Variants in ARID4B observed in about 807,000 individuals in gnomAD.
The protein encoded by ARID4B is AT-rich interactive domain-containing protein 4B.
ARID4B carries 26 observed loss-of-function variants against 147.5 expected under a neutral mutation model. The ratio of observed to expected loss-of-function variants is 0.18; its 90% CI spans 0.13 to 0.24. The LOEUF (loss-of-function observed/expected upper bound fraction) is 0.24. ARID4B is among the 10% of genes least tolerant of loss of function. The pLI is 1.00. For missense variants in ARID4B, 1,179 were observed against 1,511.5 expected (o/e 0.78, Z 3.65); for synonymous variants, 512 against 507.9 (o/e 1.01, Z -0.11).
In ARID4B at chr1:235,260,771, A is replaced by G. The variant is rs569723813; in HGVS notation, c.7-19T>C. ...CAAGGGCCTAAAAATGCAAAGAAATATAATTAGATTTAAACTCTCTAATTC... is the reference window on the plus strand; with the variant it reads ...CAAGGGCCTAAAAATGCAAAGAAATGTAATTAGATTTAAACTCTCTAATTC... On this transcript the variant is annotated intron_variant, in intron 2 of 23. Transcript: ENST00000264183. The G allele has an allele frequency of 8.5e-6, 13 of 1,527,050 alleles. No individual in the cohort carries two copies. In the East Asian group the frequency reaches 9.0e-5, roughly 11 times the overall value. The allele number at this position is 1,527,050 out of a possible 1,614,324, so 94.6% of individuals were successfully genotyped here. A position where few individuals can be genotyped will look rare whatever the true frequency, so the allele number is the denominator to read the frequency against.
chr1:235,168,860 A>C (rs529527744), intron 23 of ARID4B, among the ~76,000 whole-genome samples: 1 of 152,322 alleles, frequency 6.6e-6, no homozygotes, highest in East Asian at 1.9e-4. Context: ...CAACTACAGA[A>C]GTAATGAAAA....
chr1:235,220,510 G>A lies in ARID4B; in HGVS notation c.1199C>T (p.Ala400Val). 1.9e-6 allele frequency: 3 copies of A among 1,611,886 alleles called. No individual in the cohort carries two copies. The highest frequency in any genetic ancestry group is 8.5e-7 in the Non-Finnish European group (1 of 1,178,626). Reference protein sequence around the residue: ...LYGFEEYCRSANIEFQMALPE... With the variant: ...LYGFEEYCRSVNIEFQMALPE... ...CAATGCCATCTGAAATTCAATGTTG[G>A]CTGATCTACAGTACTCCTCAAAACC... Residue 400 changes from alanine to valine, a missense_variant, in exon 15 of 24, where the codon GCC becomes GTC. Physicochemically the swap from Ala to Val is moderately conservative, Grantham distance 64 (BLOSUM62 0). Transcript: ENST00000264183.
intron 2 of ARID4B, among the ~76,000 whole-genome samples, chr1:235,280,296 T>A: frequency 6.6e-6 from 1 of 152,236 alleles, no homozygotes; most frequent in East Asian, 1.9e-4. Context: ...TTGAATCACA[T>A]GCTTAGTTCT....
At chr1:235,262,399 T>C (rs1014847478) in intron 2 of ARID4B, among the ~76,000 whole-genome samples, 13 of 152,210 alleles carry the variant, frequency 8.5e-5, no homozygotes, top group African/African-American at 3.1e-4. Context: ...AAAATGCCTA[T>C]TCATCAGTTC....
chr1:235,285,183 G>A (rs959107357), intron 2 of ARID4B, among the ~76,000 whole-genome samples: 3 of 152,162 alleles, frequency 2.0e-5, no homozygotes, highest in African/African-American at 7.2e-5. Flanking sequence ...TGGGATTAGA[G>A]GTGTGAGCCA....
At chr1:235,191,838 T>G (rs1413323925) in intron 19 of ARID4B, among the ~76,000 whole-genome samples, 2 of 152,164 alleles carry the variant, frequency 1.3e-5, no homozygotes, top group Non-Finnish European at 2.9e-5. Context: ...TTTGGAAGGC[T>G]GAGGCAGATG....
intron 21 of ARID4B, chr1:235,176,749 G>A (rs1245855788): frequency 1.4e-5 from 6 of 436,824 alleles, no homozygotes; most frequent in Admixed American, 5.3e-5. Flanking sequence ...CATATTCACC[G>A]CCTGGAAGTC....
intron 2 of ARID4B, among the ~76,000 whole-genome samples, chr1:235,325,044 T>C (rs1675122883): frequency 1.3e-5 from 2 of 152,230 alleles, no homozygotes; most frequent in African/African-American, 2.4e-5. Context: ...TACAAGAAGC[T>C]TCTCATCTTT....
In ARID4B at chr1:235,240,426, A is replaced by G. The variant is rs185422850; in HGVS notation, c.472T>C (p.Ser158Pro). Residue 158 changes from serine to proline, a missense_variant, in exon 8 of 24, where the codon TCC (serine) becomes CCC (proline). This residue lies in a region of ARID4B where 159 missense variants were observed against 190.5 expected (regional missense o/e 0.83). Transcript: ENST00000264183. ...HIPEEESSSS[S>P]SDEDEDDRKQ... ...CTATCATCCTCATCTTCATCACTGG[A>G]GGATGATGAAGACTCTTCCTCTGGT... 9.0e-5 allele frequency: 145 copies of G among 1,613,136 alleles called. No homozygotes were observed. The Admixed American group carries it at 2.3e-3, about 26-fold the overall frequency.
intron 2 of ARID4B, among the ~76,000 whole-genome samples, chr1:235,321,280 C>A (rs527503078): frequency 6.6e-6 from 1 of 152,218 alleles, no homozygotes; most frequent in East Asian, 1.9e-4. Context: ...AAATTTATAG[C>A]ACAAAATTTG....
chr1:235,231,579 C>G (rs181507521), intron 9 of ARID4B, among the ~76,000 whole-genome samples: 1 of 152,162 alleles, frequency 6.6e-6, no homozygotes, highest in Non-Finnish European at 1.5e-5. Context: ...CTCTACCTCC[C>G]AGGCTCAAGC....
intron 9 of ARID4B, among the ~76,000 whole-genome samples, chr1:235,232,394 T>C (rs1194259512): frequency 6.6e-6 from 1 of 151,904 alleles, no homozygotes; most frequent in Non-Finnish European, 1.5e-5. Context: ...CACTCCAGCC[T>C]GGGCAACAAG....
intron 9 of ARID4B, among the ~76,000 whole-genome samples, chr1:235,231,999 A>C (rs1668269895): frequency 6.6e-6 from 1 of 152,194 alleles, no homozygotes; most frequent in Non-Finnish European, 1.5e-5. Context: ...ATGTGCCTGT[A>C]GTCCCAGCTA....
At chr1:235,297,123 G>A (rs765252719) in intron 2 of ARID4B, among the ~76,000 whole-genome samples, 13 of 152,106 alleles carry the variant, frequency 8.5e-5, no homozygotes, top group Non-Finnish European at 1.6e-4. Flanking sequence ...CCTTGTGCCA[G>A]AAAGAGAGTA....
chr1:235,263,834 A>T (rs894735187), intron 2 of ARID4B, among the ~76,000 whole-genome samples: 1 of 151,944 alleles, frequency 6.6e-6, no homozygotes, highest in African/African-American at 2.4e-5. Context: ...AAAAAAAAAA[A>T]ATACAAAAAA....
At chr1:235,309,627 G>A (rs1473769500) in intron 2 of ARID4B, among the ~76,000 whole-genome samples, 60 of 149,806 alleles carry the variant, frequency 4.0e-4, no homozygotes, top group Middle Eastern at 3.5e-3. Flanking sequence ...CCCCTACTGG[G>A]AAGTGAGGAG....
In ARID4B at chr1:235,168,423, A is replaced by G; in HGVS notation, c.*102T>C. 1 of 1,317,316 alleles carries G rather than the reference A, an allele frequency of 7.6e-7. No individual in the cohort carries two copies. Among genetic ancestry groups the G allele is most frequent in the Non-Finnish European group, 1.0e-6 (1 of 999,624 alleles). 81.6% of individuals were successfully genotyped at this position (1,317,316 alleles called of 1,614,324 possible). ...TTGTCAAGAAACAATTTTTAAATAT[A>G]AAATAGTGCTTGTCTGATATTTTTT... On this transcript the variant is annotated 3_prime_UTR_variant, in exon 24 of 24. Transcript: ENST00000264183.
intron 20 of ARID4B, among the ~76,000 whole-genome samples, chr1:235,179,508 A>G (rs542985795): frequency 2.0e-4 from 28 of 142,428 alleles, no homozygotes; most frequent in Non-Finnish European, 4.1e-4. Context: ...GGGCAACAAG[A>G]GCAAAACTCT....
rs544514338 is a variant in ARID4B at position 235,325,017 on chromosome 1, T to C, written c.6+1897A>G. Among the ~76,000 whole-genome samples, 5 of 152,334 alleles carry C rather than the reference T, an allele frequency of 3.3e-5. No homozygotes were observed. The East Asian group carries it at 7.7e-4, about 23-fold the overall frequency. ...ATAGATTCTGAATTGCAATTTTTGC[T>C]AAAGCAAAATACAAATTACAAGAAG... On this transcript the variant is annotated intron_variant, in intron 2 of 23. Transcript: ENST00000264183.
Sources: gnomAD v4.1 joint callset for allele counts (sites outside exome capture counted in the v4.1 genomes callset) on GRCh38, gnomAD v4.1.1 for gene constraint, gnomAD v4.1.1 regional missense constraint, MANE v1.5 for transcripts, NCBI Gene and HGNC (gene_info 2026-07-23, HGNC 2026-07-21) for gene names.